Variants in AFG1L observed in about 807,000 individuals in gnomAD.
AFG1L encodes AFG1 like ATPase.
In AFG1L, 53 loss-of-function variants were observed where a neutral mutation model predicts 62.2. The ratio of observed to expected loss-of-function variants is 0.85; its 90% CI spans 0.68 to 1.07. AFG1L has a LOEUF of 1.07. AFG1L is among the 50% of genes least tolerant of loss of function. AFG1L has a pLI of 0.00. For synonymous variants in AFG1L, 228 were observed against 210.3 expected, an observed-to-expected ratio of 1.08 and a Z score of -0.73; for missense variants, 555 against 590.5, an observed-to-expected ratio of 0.94 and a Z score of 0.62.
At chr6:108,356,058 C>A (rs1448568681) in intron 4 of AFG1L, among the ~76,000 whole-genome samples, 3 of 152,180 alleles carry the variant, frequency 2.0e-5, no homozygotes, top group Non-Finnish European at 4.4e-5. Flanking sequence ...ATAAGTGATT[C>A]TTGATTAGGC....
chr6:108,396,392 T>C (rs1203716580), intron 6 of AFG1L, among the ~76,000 whole-genome samples: 1 of 152,234 alleles, frequency 6.6e-6, no homozygotes, highest in Non-Finnish European at 1.5e-5. Flanking sequence ...ACTACCTGTT[T>C]ATGATATAAT....
intron 10 of AFG1L, among the ~76,000 whole-genome samples, chr6:108,479,940 G>A (rs1773264782): frequency 6.6e-6 from 1 of 152,066 alleles, no homozygotes; most frequent in Admixed American, 6.6e-5. Flanking sequence ...GACTATTTTT[G>A]AGCCATGGCC....
intron 2 of AFG1L, among the ~76,000 whole-genome samples, chr6:108,324,796 C>T (rs553702535): frequency 4.0e-5 from 6 of 151,640 alleles, no homozygotes; most frequent in African/African-American, 7.3e-5. Flanking sequence ...TGGATTCAAG[C>T]GATCGTCCTG....
At chr6:108,433,231 A>G (rs1246020049) in intron 7 of AFG1L, among the ~76,000 whole-genome samples, 1 of 152,172 alleles carries the variant, frequency 6.6e-6, no homozygotes, top group Non-Finnish European at 1.5e-5. Context: ...GTCTTCTGAT[A>G]CATGTGACTA....
intron 7 of AFG1L, among the ~76,000 whole-genome samples, chr6:108,413,559 C>G (rs138056083): frequency 0.055 from 8,361 of 152,162 alleles, 575 homozygotes; most frequent in African/African-American, 0.16. Context: ...GAAATTACAA[C>G]AAACTGTCTC....
intron 1 of AFG1L, among the ~76,000 whole-genome samples, chr6:108,305,598 A>C (rs1777172093): frequency 6.6e-6 from 1 of 151,730 alleles, no homozygotes; most frequent in South Asian, 2.1e-4. Flanking sequence ...CTACTTTATA[A>C]TTTTTTTAGT....
At chr6:108,459,146 C>T (rs2114775935) in intron 8 of AFG1L, among the ~76,000 whole-genome samples, 1 of 152,294 alleles carries the variant, frequency 6.6e-6, no homozygotes, top group South Asian at 2.1e-4. Context: ...CTGCCCGTTT[C>T]AAGTAGTTGC....
At chr6:108,310,062 G>A (rs886422370) in intron 1 of AFG1L, among the ~76,000 whole-genome samples, 6 of 152,106 alleles carry the variant, frequency 3.9e-5, no homozygotes, top group South Asian at 2.1e-4. Flanking sequence ...TTCAGAGATC[G>A]GTCCAGGTGG....
intron 2 of AFG1L, among the ~76,000 whole-genome samples, chr6:108,330,993 A>T (rs574336825): frequency 2.0e-5 from 3 of 152,348 alleles, no homozygotes; most frequent in East Asian, 3.9e-4. Flanking sequence ...ACAGTTGTTT[A>T]AACTTCATTA....
intron 11 of AFG1L, among the ~76,000 whole-genome samples, chr6:108,519,289 C>T (rs559409503): frequency 1.8e-4 from 27 of 152,186 alleles, no homozygotes; most frequent in South Asian, 4.1e-4. Flanking sequence ...ATCCTAGAGG[C>T]CACACCTCTT....
intron 2 of AFG1L, among the ~76,000 whole-genome samples, chr6:108,340,200 GTT>G (rs1778628414): frequency 6.6e-6 from 1 of 151,608 alleles, no homozygotes; most frequent in Non-Finnish European, 1.5e-5. Context: ...ATGACCTCCA[GTT>G]TCATTCATGT....
At chr6:108,394,112 CCCCCTCCCCTCCCTTCCCTTCCCCT>C (rs1341454351) in intron 6 of AFG1L, among the ~76,000 whole-genome samples, 3 of 132,308 alleles carry the variant, frequency 2.3e-5, no homozygotes, top group Non-Finnish European at 4.8e-5. Flanking sequence ...TCTTTCCTTT[CCCCCTCCCCTCCCTTCCCTTCCCCT>C]CCCCTCCCCT....
At chr6:108,468,738 T>C (rs1319523348) in intron 8 of AFG1L, among the ~76,000 whole-genome samples, 1 of 150,528 alleles carries the variant, frequency 6.6e-6, no homozygotes, top group South Asian at 2.1e-4. Flanking sequence ...CTAATGTTCT[T>C]TTGTTTTCTC....
At chr6:108,468,649 C>T (rs762051365) in intron 8 of AFG1L, among the ~76,000 whole-genome samples, 19 of 151,910 alleles carry the variant, frequency 1.3e-4, no homozygotes, top group Non-Finnish European at 2.2e-4. Flanking sequence ...TTCTTCTCCC[C>T]ACCCCTCCAC....
intron 1 of AFG1L, among the ~76,000 whole-genome samples, chr6:108,300,589 G>C (rs1776950020): frequency 6.6e-6 from 1 of 151,190 alleles, no homozygotes; most frequent in Admixed American, 6.6e-5. Context: ...TTTATTAGTA[G>C]TACATATTAC....
At chr6:108,313,472 A>G (rs1253490693) in intron 1 of AFG1L, among the ~76,000 whole-genome samples, 3 of 152,176 alleles carry the variant, frequency 2.0e-5, no homozygotes, top group African/African-American at 7.2e-5. Context: ...TAACTACATG[A>G]TCTTGGTCTA....
At chr6:108,440,064 G>C (rs1372244265) in intron 7 of AFG1L, among the ~76,000 whole-genome samples, 1 of 152,076 alleles carries the variant, frequency 6.6e-6, no homozygotes, top group African/African-American at 2.4e-5. Context: ...ACTTATATAA[G>C]CTATAAACAA....
chr6:108,422,497 A>AAAAAAAG (rs1554196482), intron 7 of AFG1L, among the ~76,000 whole-genome samples: 1 of 147,826 alleles, frequency 6.8e-6, no homozygotes, highest in African/African-American at 2.5e-5. Context: ...AAAAAAAAAA[A>AAAAAAAG]AAGAAGAAGA....
chr6:108,431,305 T>C (rs897582584), intron 7 of AFG1L, among the ~76,000 whole-genome samples: 1 of 152,090 alleles, frequency 6.6e-6, no homozygotes, highest in Non-Finnish European at 1.5e-5. Flanking sequence ...GGTTTCACCA[T>C]GTTGGCCATG....
Sources: gnomAD v4.1 joint callset for allele counts (sites outside exome capture counted in the v4.1 genomes callset) on GRCh38, gnomAD v4.1.1 for gene constraint, MANE v1.5 for transcripts, NCBI Gene and HGNC (gene_info 2026-07-23, HGNC 2026-07-21) for gene names.